Variants in NMRK1 observed in about 807,000 individuals in gnomAD.
NMRK1 encodes the protein NRK 1.
A neutral mutation model predicts 29.9 loss-of-function variants in NMRK1; 28 were observed. The ratio of observed to expected loss-of-function variants is 0.94; its 90% CI spans 0.69 to 1.28. The LOEUF (loss-of-function observed/expected upper bound fraction) is 1.28, where lower values mean the gene tolerates loss of function less well. Among genes scored for constraint, NMRK1 ranks in the 50% most tolerant of loss-of-function variants. The probability of loss-of-function intolerance (pLI) is 0.00; values close to 1 mark genes in which losing one functional copy is unlikely to be tolerated. For synonymous variants in NMRK1, 58 were observed against 73.0 expected (o/e 0.79, Z 1.05); for missense variants, 218 against 233.1 (o/e 0.94, Z 0.42).
intron 7 of NMRK1, 58 bp downstream of exon 7, chr9:75,068,938 A>G (rs1823529326): frequency 8.4e-7 from 1 of 1,191,758 alleles, no homozygotes; most frequent in Non-Finnish European, 1.2e-6. Flanking sequence ...TTTCTTTTCT[A>G]TACTTTGAGG....
intron 4 of NMRK1, among the ~76,000 whole-genome samples, chr9:75,076,598 T>C (rs996144403): frequency 2.6e-5 from 4 of 152,158 alleles, no homozygotes; most frequent in African/African-American, 9.7e-5. Context: ...TTTTAAAAAA[T>C]ATATATTTTT....
intron 4 of NMRK1, among the ~76,000 whole-genome samples, chr9:75,072,217 T>C (rs1288248968): frequency 1.3e-5 from 2 of 152,154 alleles, no homozygotes. Flanking sequence ...AGAAAACCCA[T>C]GGATCCCATA....
At chr9:75,078,175 A>T in intron 2 of NMRK1, 2 of 1,319,806 alleles carry the variant, frequency 1.5e-6, no homozygotes, top group Non-Finnish European at 2.0e-6. Context: ...TTTTTTGCCT[A>T]TGTCAAAATA....
intron 1 of NMRK1, among the ~76,000 whole-genome samples, 196 bp from the exon 2 acceptor site, chr9:75,083,346 C>A (rs1420490382): frequency 6.6e-6 from 1 of 152,170 alleles, no homozygotes; most frequent in East Asian, 1.9e-4. Context: ...GGGGTGTGCT[C>A]AGGACTGTCA....
chr9:75,079,040 A>C (rs1286903042), intron 2 of NMRK1, among the ~76,000 whole-genome samples: 1 of 152,230 alleles, frequency 6.6e-6, no homozygotes, highest in African/African-American at 2.4e-5. Context: ...CTGACTACAC[A>C]TCTATTTGTA....
At chr9:75,079,777 T>C (rs1193943406) in intron 2 of NMRK1, among the ~76,000 whole-genome samples, 1 of 151,574 alleles carries the variant, frequency 6.6e-6, no homozygotes, top group Admixed American at 6.6e-5. Context: ...AATGGGGGAA[T>C]AGGATGGGGT....
chr9:75,078,247 A>G (rs1824118085), intron 2 of NMRK1: 2 of 1,539,034 alleles, frequency 1.3e-6, no homozygotes, highest in Non-Finnish European at 1.8e-6. Flanking sequence ...AAGTGTATAA[A>G]ACTGCATATG....
intron 6 of NMRK1, 200 bp from the exon 7 acceptor site, chr9:75,069,302 T>C: frequency 5.5e-6 from 3 of 547,460 alleles, no homozygotes; most frequent in Middle Eastern, 4.7e-4. Context: ...AAATTAACTT[T>C]GTAATCCACT....
At position 75,069,927 on chromosome 9, in the gene NMRK1, T is replaced by C. The variant is rs754110005; in HGVS notation, c.285A>G (p.Leu95=). The change falls in exon 5 of 9, where the codon TTA becomes TTG. Residue 95 remains leucine, a synonymous_variant. Transcript: ENST00000361092. ...DQESAEEIPI[L]IIEGFLLFNY... is the part of the protein sequence containing the mutation. Reference sequence around the variant, plus strand: ...TAAAAAGAAGAAAACCTTCGATGATTAAAATGGGAATTTCCTCAGCACTTT... The same window carrying C: ...TAAAAAGAAGAAAACCTTCGATGATCAAAATGGGAATTTCCTCAGCACTTT... The C allele has an allele frequency of 6.2e-7, 1 of 1,614,012 alleles. No individual in the cohort carries two copies. The highest frequency in any genetic ancestry group is 1.1e-5 in the South Asian group (1 of 91,042).
At chr9:75,081,311 G>C (rs1824308814) in intron 2 of NMRK1, among the ~76,000 whole-genome samples, 1 of 152,192 alleles carries the variant, frequency 6.6e-6, no homozygotes, top group Non-Finnish European at 1.5e-5. Flanking sequence ...TGAGGCACTT[G>C]GCCAGGAGCA....
chr9:75,080,354 T>C lies in NMRK1; in HGVS notation c.29+2733A>G, dbSNP rs935568604. 2.0e-5 allele frequency among the ~76,000 whole-genome samples: 3 copies of C among 152,168 alleles called. No individual in the cohort carries two copies. The South Asian group carries it at 6.2e-4, about 32-fold the overall frequency. On this transcript the variant is annotated intron_variant, in intron 2 of 8. Coordinates refer to ENST00000361092, the MANE Select transcript of NMRK1 (RefSeq NM_017881.3). ...ATGTTTGTCCCCTCCAGATCTCATA[T>C]TGAAATGTGATCCCTGGCCGGGTAC...
intron 8 of NMRK1, among the ~76,000 whole-genome samples, chr9:75,062,118 T>G (rs947524978): frequency 2.0e-5 from 3 of 152,196 alleles, no homozygotes; most frequent in African/African-American, 7.2e-5. Flanking sequence ...TAAGTGACAC[T>G]TCTGGGAATT....
chr9:75,070,112 A>C, intron 4 of NMRK1, 70 bp from the exon 5 acceptor site: 1 of 1,234,976 alleles, frequency 8.1e-7, no homozygotes, highest in Non-Finnish European at 1.1e-6. Context: ...TTTTGTGATG[A>C]GTATATCCAG....
At chr9:75,066,594 A>ACC (rs5898392) in intron 8 of NMRK1, among the ~76,000 whole-genome samples, 163 bp downstream of exon 8, 33 of 151,580 alleles carry the variant, frequency 2.2e-4, no homozygotes, top group African/African-American at 7.8e-4. Flanking sequence ...GAGTCTCCAA[A>ACC]CCCCCCCCCA....
chr9:75,072,629 T>C (rs1823763917), intron 4 of NMRK1, among the ~76,000 whole-genome samples: 1 of 152,216 alleles, frequency 6.6e-6, no homozygotes. Context: ...GAGAGTTCAT[T>C]ATACTTTTCT....
At chr9:75,064,648 A>C (rs1823234894) in intron 8 of NMRK1, among the ~76,000 whole-genome samples, 1 of 152,168 alleles carries the variant, frequency 6.6e-6, no homozygotes, top group African/African-American at 2.4e-5. Flanking sequence ...TGAAATCAAC[A>C]ATGTTTAGGA....
intron 7 of NMRK1, among the ~76,000 whole-genome samples, chr9:75,068,621 C>T (rs1348153625): frequency 6.6e-6 from 1 of 152,128 alleles, no homozygotes; most frequent in Admixed American, 6.5e-5. Flanking sequence ...CTCGGCAGTC[C>T]CCTAGAACTT....
At chr9:75,076,791 C>T (rs1471639125) in intron 4 of NMRK1, among the ~76,000 whole-genome samples, 1 of 152,030 alleles carries the variant, frequency 6.6e-6, no homozygotes, top group East Asian at 1.9e-4. Context: ...TGGAATCTCC[C>T]TATGTTGCTC....
chr9:75,061,326 T>A lies in NMRK1; in HGVS notation c.*222A>T. The A allele has an allele frequency of 2.0e-6, 1 of 504,568 alleles. No homozygotes were observed. Among genetic ancestry groups the A allele is most frequent in the East Asian group, 3.2e-5 (1 of 31,592 alleles). The allele number at this position is 504,568 out of a possible 1,614,324, so 31.3% of individuals were successfully genotyped here. A position where few individuals can be genotyped will look rare whatever the true frequency, so the allele number is the denominator to read the frequency against. On this transcript the variant is annotated 3_prime_UTR_variant, in exon 9 of 9. Coordinates refer to ENST00000361092, the MANE Select transcript of NMRK1 (RefSeq NM_017881.3). ...CTCACTGTGAGCTCTGCTGTATCTATGCGCTCCCTGGAGAGGGAGCAACTT... is the reference window on the plus strand; with the variant it reads ...CTCACTGTGAGCTCTGCTGTATCTAAGCGCTCCCTGGAGAGGGAGCAACTT...
Sources: allele counts gnomAD v4.1 joint callset (sites outside exome capture counted in the v4.1 genomes callset), GRCh38; gene constraint gnomAD v4.1.1; transcripts MANE v1.5; gene names NCBI Gene and HGNC (gene_info 2026-07-23, HGNC 2026-07-21).